CACUL1: variants seen among roughly 807,000 people sequenced by gnomAD.
CACUL1 encodes the protein CDK2-associated and cullin domain-containing protein 1.
Under a neutral mutation model 45.2 loss-of-function variants are expected in CACUL1, and 13 were observed. That is an observed-to-expected ratio of 0.29 (90% CI 0.19 to 0.46). The LOEUF (loss-of-function observed/expected upper bound fraction) is 0.46, where lower values mean the gene tolerates loss of function less well. Ranked by LOEUF, CACUL1 falls within the 20% of genes least tolerant of loss-of-function variation. CACUL1 has a pLI of 1.00. For missense variants in CACUL1, 421 were observed against 471.4 expected (o/e 0.89, Z 0.99); for synonymous variants, 197 against 174.2 (o/e 1.13, Z -1.03).
intron 3 of CACUL1, among the ~76,000 whole-genome samples, chr10:118,710,650 C>T (rs1845475735): frequency 6.6e-6 from 1 of 152,188 alleles, no homozygotes; most frequent in African/African-American, 2.4e-5. Flanking sequence ...CCACTGCACT[C>T]ACTTCCCTCA....
intron 1 of CACUL1, among the ~76,000 whole-genome samples, chr10:118,737,134 G>GAA (rs200119188): frequency 3.8e-5 from 5 of 129,928 alleles, no homozygotes; most frequent in Admixed American, 1.5e-4. Context: ...TATTAGGAGG[G>GAA]AAAAAAAAAA....
At chr10:118,748,616 TA>T (rs767856180) in intron 1 of CACUL1, among the ~76,000 whole-genome samples, 125 of 152,288 alleles carry the variant, frequency 8.2e-4, no homozygotes, top group Non-Finnish European at 1.4e-3. Flanking sequence ...ATATGATGCT[TA>T]AAGGAAATGT....
intron 3 of CACUL1, among the ~76,000 whole-genome samples, chr10:118,712,258 T>G (rs1845493567): frequency 1.3e-5 from 2 of 152,220 alleles, no homozygotes; most frequent in South Asian, 4.1e-4. Context: ...CTCATGCTAC[T>G]GGCCTGGGTC....
At chr10:118,707,646 T>C (rs1332261245) in intron 3 of CACUL1, 59 bp from the exon 4 acceptor site, 6 of 704,282 alleles carry the variant, frequency 8.5e-6, no homozygotes, top group Non-Finnish European at 1.4e-5. Flanking sequence ...CCTTCCACCA[T>C]AATTTGAAAC....
intron 5 of CACUL1, among the ~76,000 whole-genome samples, chr10:118,696,271 G>C (rs957204507): frequency 2.6e-5 from 4 of 152,032 alleles, no homozygotes; most frequent in Admixed American, 6.6e-5. Flanking sequence ...ACTAGAAGAA[G>C]AACTGTCTTG....
intron 3 of CACUL1, among the ~76,000 whole-genome samples, chr10:118,711,903 T>C (rs1845489033): frequency 6.6e-6 from 1 of 151,004 alleles, no homozygotes; most frequent in African/African-American, 2.4e-5. Context: ...AACCTAGAAA[T>C]GTCATTTAAG....
chr10:118,693,888 A>C (rs972686011), intron 6 of CACUL1: 2 of 377,360 alleles, frequency 5.3e-6, no homozygotes, highest in African/African-American at 4.2e-5. Context: ...TGAATACTCT[A>C]GATGTCATTA....
intron 1 of CACUL1, among the ~76,000 whole-genome samples, chr10:118,746,831 C>A (rs1383726233): frequency 6.6e-6 from 1 of 152,142 alleles, no homozygotes; most frequent in African/African-American, 2.4e-5. Flanking sequence ...ATGAAAAAGC[C>A]AACGGCACAT....
At chr10:118,723,453 C>T (rs551393653) in intron 3 of CACUL1, among the ~76,000 whole-genome samples, 1 of 152,250 alleles carries the variant, frequency 6.6e-6, no homozygotes, top group Non-Finnish European at 1.5e-5. Context: ...TATTGATCCA[C>T]ACTTGCATAT....
chr10:118,723,440 T>C (rs1845620342), intron 3 of CACUL1, among the ~76,000 whole-genome samples: 1 of 152,212 alleles, frequency 6.6e-6, no homozygotes, highest in Non-Finnish European at 1.5e-5. Context: ...ACATTATCAT[T>C]ATTATTGATC....
rs17098023 is a variant in CACUL1, at chr10:118,751,601, G to A, written c.367+2795C>T. Among the ~76,000 whole-genome samples the A allele has an allele frequency of 4.0e-3, 615 of 152,204 alleles. 7 individuals carry two copies. The highest frequency in any genetic ancestry group is 0.014 in the African/African-American group (595 of 41,526). On this transcript the variant is annotated intron_variant, in intron 1 of 8. Coordinates refer to ENST00000369151, the MANE Select transcript of CACUL1 (RefSeq NM_153810.5). ...TCGCACTTACACCACTTTAACTACAGCCTTGACATCTTAACTTCTAATAAG... is the reference window on the plus strand; with the variant it reads ...TCGCACTTACACCACTTTAACTACAACCTTGACATCTTAACTTCTAATAAG...
chr10:118,687,342 C>T (rs565009205), intron 7 of CACUL1, among the ~76,000 whole-genome samples: 10 of 152,204 alleles, frequency 6.6e-5, no homozygotes, highest in African/African-American at 2.4e-4. Context: ...GATTTATATA[C>T]ACTGGCAAGT....
At chr10:118,719,428 A>G (rs1215186609) in intron 3 of CACUL1, among the ~76,000 whole-genome samples, 1 of 152,206 alleles carries the variant, frequency 6.6e-6, no homozygotes, top group Non-Finnish European at 1.5e-5. Context: ...GATGTTCCAG[A>G]GCAATACCAT....
chr10:118,723,681 T>C (rs1408811763), intron 3 of CACUL1, among the ~76,000 whole-genome samples: 2 of 152,212 alleles, frequency 1.3e-5, no homozygotes, highest in African/African-American at 2.4e-5. Flanking sequence ...TGAAAAACTA[T>C]GGAAACAATC....
At chr10:118,702,248 G>A (rs369786285) in intron 4 of CACUL1, among the ~76,000 whole-genome samples, 13 of 152,106 alleles carry the variant, frequency 8.5e-5, no homozygotes, top group Non-Finnish European at 1.3e-4. Flanking sequence ...ATCTCCCTTC[G>A]CTGATTCTTT....
intron 3 of CACUL1, among the ~76,000 whole-genome samples, chr10:118,712,708 T>C (rs1157142314): frequency 6.6e-6 from 1 of 152,022 alleles, no homozygotes; most frequent in African/African-American, 2.4e-5. Context: ...GTCGTCCCAC[T>C]GTGTGCACAG....
intron 4 of CACUL1, among the ~76,000 whole-genome samples, chr10:118,703,937 C>T (rs938776965): frequency 2.0e-5 from 3 of 151,822 alleles, no homozygotes; most frequent in Admixed American, 6.6e-5. Flanking sequence ...GGAAAGCAAA[C>T]TTTTGTCTTA....
At chr10:118,690,307 CAAAAAAAAAAAAAA>C (rs34414146) in intron 7 of CACUL1, among the ~76,000 whole-genome samples, 4 of 88,460 alleles carry the variant, frequency 4.5e-5, no homozygotes, top group Non-Finnish European at 8.1e-5. Context: ...GACTCCGTCT[CAAAAAAAAAAAAAA>C]AAAAAAAAAA....
chr10:118,695,314 T>C (rs1055200900), intron 5 of CACUL1, 84 bp from the exon 6 acceptor site: 3 of 778,082 alleles, frequency 3.9e-6, no homozygotes, highest in Non-Finnish European at 2.3e-6. Flanking sequence ...CAAAGACTCC[T>C]GAAACATAAA....
Sources: allele counts gnomAD v4.1 joint callset (sites outside exome capture counted in the v4.1 genomes callset), GRCh38; gene constraint gnomAD v4.1.1; transcripts MANE v1.5; gene names NCBI Gene and HGNC (gene_info 2026-07-23, HGNC 2026-07-21).